The following ABCF2 variants were observed in gnomAD, a reference collection of about 807,000 sequenced individuals.
ABCF2 encodes ATP-binding cassette sub-family F member 2.
A neutral mutation model predicts 76.9 loss-of-function variants in ABCF2; 37 were observed. The observed-to-expected ratio is 0.48, with a 90% CI of 0.37 to 0.63. The LOEUF is 0.63. Among genes scored for constraint, ABCF2 ranks in the 30% least tolerant of loss-of-function variants. The probability of loss-of-function intolerance (pLI) is 0.00; values close to 1 mark genes in which losing one functional copy is unlikely to be tolerated. For missense variants in ABCF2, 524 were observed against 782.1 expected (o/e 0.67, Z 3.94); for synonymous variants, 299 against 283.7 (o/e 1.05, Z -0.54).
intron 11 of ABCF2, among the ~76,000 whole-genome samples, chr7:151,216,290 A>G (rs1199633058): frequency 2.0e-5 from 3 of 152,264 alleles, no homozygotes; most frequent in Admixed American, 2.0e-4. Context: ...TGTATAACAA[A>G]GGACTTGGAT....
chr7:151,216,742 G>C (rs1445382350), intron 11 of ABCF2, among the ~76,000 whole-genome samples: 2 of 152,142 alleles, frequency 1.3e-5, no homozygotes, highest in Non-Finnish European at 2.9e-5. Flanking sequence ...TCACACTCCT[G>C]ATCTCAAGTG....
chr7:151,221,530 A>T, intron 7 of ABCF2, 48 bp downstream of exon 7: 7 of 1,090,786 alleles, frequency 6.4e-6, no homozygotes, highest in Non-Finnish European at 9.5e-6. Context: ...AGAATTTCAG[A>T]GAATTGGTAT....
Position 151,213,978 on chromosome 7 carries a change from C to A in ABCF2, c.*76G>T. The A allele has an allele frequency of 6.3e-7, 1 of 1,587,128 alleles. No individual in the cohort carries two copies. The highest frequency in any genetic ancestry group is 8.6e-7 in the Non-Finnish European group (1 of 1,169,270). On this transcript the variant is annotated 3_prime_UTR_variant, in exon 15 of 15. Transcript: ENST00000287844. Reference sequence around the variant, plus strand: ...AATGCAGGAGTGTAGCCCCAGGGTCCTGTCCTGAGCGGCTGGTCAGGTTAG... The same window carrying A: ...AATGCAGGAGTGTAGCCCCAGGGTCATGTCCTGAGCGGCTGGTCAGGTTAG...
chr7:151,226,685 TCTA>T, intron 1 of ABCF2, 185 bp from the exon 2 acceptor site: 1 of 489,340 alleles, frequency 2.0e-6, no homozygotes, highest in Non-Finnish European at 3.6e-6. Flanking sequence ...CAGCGGCTCT[TCTA>T]ATCTTAACAT....
At position 151,216,107 on chromosome 7, in the gene ABCF2, A is replaced by G. The variant is rs921062549; in HGVS notation, c.1339-78T>C. On this transcript the variant is annotated intron_variant, in intron 11 of 14. Coordinates refer to ENST00000287844, the MANE Select transcript of ABCF2 (RefSeq NM_007189.3). The stretch of plus-strand genomic sequence containing the variant: ...AAACATAGGCAGAGCAGGCAAACAA[A>G]CACATGTTCACACTGAACAAGACTC... 14 of 1,195,496 alleles carry G rather than the reference A, an allele frequency of 1.2e-5. No homozygotes were observed. In the Admixed American group the frequency reaches 2.4e-4, roughly 20 times the overall value. The allele number at this position is 1,195,496 out of a possible 1,614,324, so 74.1% of individuals were successfully genotyped here. A position where few individuals can be genotyped will look rare whatever the true frequency, so the allele number is the denominator to read the frequency against.
intron 3 of ABCF2, 118 bp downstream of exon 3, chr7:151,224,657 TG>T: frequency 1.1e-6 from 1 of 894,092 alleles, no homozygotes; most frequent in Non-Finnish European, 1.8e-6. Context: ...GGACATAATC[TG>T]GTCTCCCATC....
At position 151,215,868 on chromosome 7, in the gene ABCF2, T is replaced by C; in HGVS notation, c.1401+99A>G. On this transcript the variant is annotated intron_variant, in intron 12 of 14. Coordinates refer to ENST00000287844, the MANE Select transcript of ABCF2 (RefSeq NM_007189.3). The surrounding 1 kb of genome is among the most constrained non-coding windows in gnomAD (Gnocchi z 4.6). ...CAGGTAGGAGCCACCTAGGCTGGAA[T>C]TCCTGCCAGGGGGTGGGGGCGGCTG... 1.3e-6 allele frequency: 2 copies of C among 1,587,170 alleles called. No homozygotes were observed. Among genetic ancestry groups the C allele is most frequent in the Admixed American group, 1.7e-5 (1 of 57,672 alleles).
intron 5 of ABCF2, among the ~76,000 whole-genome samples, chr7:151,223,239 T>C (rs1020150276): frequency 1.3e-5 from 2 of 152,092 alleles, no homozygotes; most frequent in Admixed American, 6.5e-5. Flanking sequence ...GGGGGGATTA[T>C]TGGGGGAATG....
intron 10 of ABCF2, among the ~76,000 whole-genome samples, 171 bp downstream of exon 10, chr7:151,218,390 G>A (rs937223714): frequency 1.3e-5 from 2 of 152,024 alleles, no homozygotes; most frequent in South Asian, 2.1e-4. Context: ...CCATATACAC[G>A]AAGAAAGGCC....
Position 151,218,749 on chromosome 7 carries a change from C to G in ABCF2, c.1137+5G>C. 6.2e-7 allele frequency: 1 copy of G among 1,613,858 alleles called. No homozygotes were observed. The highest frequency in any genetic ancestry group is 8.5e-7 in the Non-Finnish European group (1 of 1,179,998). On this transcript the variant is annotated splice_donor_5th_base_variant and intron_variant, in intron 9 of 14. Transcript: ENST00000287844. The stretch of plus-strand genomic sequence containing the variant: ...CCAATCACACCCCACCCAATCACAC[C>G]CCACCTTATCGCTCACGACCCTCTC...
chr7:151,213,535 CTTTG>C lies in ABCF2; in HGVS notation c.*515_*518del, dbSNP rs925047192. On this transcript the variant is annotated 3_prime_UTR_variant, in exon 15 of 15. Coordinates refer to ENST00000287844, the MANE Select transcript of ABCF2 (RefSeq NM_007189.3). ...TGGCTTCCTCTTTCTTTATTGGGCG[CTTTG>C]TAGATGTCACGCAGGTCTAAAAGTT... is the stretch of plus-strand genomic sequence containing the variant. 48 of 985,792 alleles carry C rather than the reference CTTTG, an allele frequency of 4.9e-5. No individual in the cohort carries two copies. The African/African-American group carries it at 8.4e-4, about 17-fold the overall frequency. The allele number at this position is 985,792 out of a possible 1,614,324, so 61.1% of individuals were successfully genotyped here.
intron 2 of ABCF2, 84 bp downstream of exon 2, chr7:151,226,220 AC>A (rs1802369431): frequency 6.9e-7 from 1 of 1,453,392 alleles, no homozygotes; most frequent in Non-Finnish European, 9.4e-7. Flanking sequence ...ATTCTCCACT[AC>A]CCCCAGCATC....
rs190020927 is a variant in ABCF2 at position 151,212,315 on chromosome 7, C to T, written c.*1739G>A. 1.6e-3 allele frequency: 1,555 copies of T among 985,172 alleles called. 8 individuals are homozygous for T. Among genetic ancestry groups the T allele is most frequent in the Admixed American group, 1.9e-3 (31 of 16,268 alleles). The allele number at this position is 985,172 out of a possible 1,614,324, so 61.0% of individuals were successfully genotyped here. On this transcript the variant is annotated 3_prime_UTR_variant, in exon 15 of 15. Transcript: ENST00000287844. ...CAGATAAGGTATGCAGAGCCCTGGG[C>T]TGGAAGTGAATTCAACAGTGATGAT...
intron 8 of ABCF2, 56 bp from the exon 9 acceptor site, chr7:151,218,929 C>T: frequency 6.2e-7 from 1 of 1,609,886 alleles, no homozygotes; most frequent in Middle Eastern, 1.7e-4. Flanking sequence ...AATTCATCTT[C>T]AATCCAGGGT....
rs1290743744 is a variant in ABCF2, at chr7:151,223,717, T to C, written c.683A>G (p.Asp228Gly). ...TPAMQRKKLK[D>G]FSGGWRMRVA... ...CCTCATCCTCCAGCCCCCACTGAAG[T>C]CTTTTAGCTTCTTGCGCTGCATGGC... The change falls in exon 5 of 15, where the codon GAC becomes GGC. Residue 228 changes from aspartate (D) to glycine (G), a missense_variant. Asp to Gly is a moderately conservative substitution (Grantham distance 94). Around this residue, in one of 2 missense-constraint regions of ABCF2, gnomAD observed 330 missense variants for 433.6 expected, o/e 0.76. Coordinates refer to ENST00000287844, the MANE Select transcript of ABCF2 (RefSeq NM_007189.3). The C allele has an allele frequency of 1.2e-6, 2 of 1,609,382 alleles. No individual in the cohort carries two copies. The highest frequency in any genetic ancestry group is 1.1e-5 in the South Asian group (1 of 90,858).
intron 5 of ABCF2, among the ~76,000 whole-genome samples, chr7:151,222,867 CTT>C (rs1802298733): frequency 1.3e-5 from 2 of 152,292 alleles, no homozygotes; most frequent in South Asian, 4.1e-4. Flanking sequence ...CTGTAGAAGT[CTT>C]TATGAGTTTA....
chr7:151,225,932 G>A (rs976140629), intron 2 of ABCF2, among the ~76,000 whole-genome samples: 27 of 152,196 alleles, frequency 1.8e-4, no homozygotes, highest in African/African-American at 6.5e-4. Context: ...TGTAGGTAGA[G>A]CCACTACACC....
At chr7:151,225,067 A>G in intron 2 of ABCF2, 79 bp from the exon 3 acceptor site, 1 of 1,299,404 alleles carries the variant, frequency 7.7e-7, no homozygotes, top group Non-Finnish European at 1.1e-6. Context: ...CTGAAGGACC[A>G]GGCTCCAATC....
rs761110483 is a variant in ABCF2 at position 151,223,742 on chromosome 7, C to T, written c.658G>A (p.Ala220Thr). ...TCTTTTAGCTTCTTGCGCTGCATGG[C>T]AGGTGTGAAACCCAGTCCATGCAAG... ...RILHGLGFTP[A>T]MQRKKLKDFS... Residue 220 changes from alanine to threonine, a missense_variant, in exon 5 of 15, where the codon GCC (alanine) becomes ACC (threonine). By Grantham distance (58) the Ala-to-Thr change is moderately conservative. This residue lies in a region of ABCF2 where 330 missense variants were observed against 433.6 expected (regional missense o/e 0.76). Transcript: ENST00000287844. 4 of 1,613,226 alleles carry T rather than the reference C, an allele frequency of 2.5e-6. No homozygotes were observed. The highest frequency in any genetic ancestry group is 1.1e-5 in the South Asian group (1 of 90,998).
Sources: gnomAD v4.1 joint callset for allele counts (sites outside exome capture counted in the v4.1 genomes callset) on GRCh38, gnomAD v4.1.1 for gene constraint, gnomAD v4.1.1 regional missense constraint, Gnocchi (gnomAD v3.1) non-coding constraint, MANE v1.5 for transcripts, NCBI Gene and HGNC (gene_info 2026-07-23, HGNC 2026-07-21) for gene names.